PTCHD4: variants seen among roughly 807,000 people sequenced by gnomAD.
PTCHD4 encodes patched domain containing 4, also known as patched domain-containing protein 4.
In PTCHD4, 33 loss-of-function variants were observed where a neutral mutation model predicts 58.1. That is an observed-to-expected ratio of 0.57 (90% confidence interval 0.43 to 0.76). The LOEUF (loss-of-function observed/expected upper bound fraction) is 0.76, where lower values mean the gene tolerates loss of function less well. PTCHD4 is among the 30% of genes least tolerant of loss of function. The pLI is 0.00. For missense variants in PTCHD4, 1,058 were observed against 1,027.1 expected, an observed-to-expected ratio of 1.03 and a Z score of -0.41; for synonymous variants, 478 against 409.6, an observed-to-expected ratio of 1.17 and a Z score of -2.02.
intron 3 of PTCHD4, among the ~76,000 whole-genome samples, chr6:48,052,914 T>A (rs1266818978): frequency 6.6e-6 from 1 of 152,122 alleles, no homozygotes; most frequent in African/African-American, 2.4e-5. Context: ...AAATGATTTG[T>A]GAACCCACTG....
At chr6:47,973,508 G>C (rs1314231120) in intron 4 of PTCHD4, among the ~76,000 whole-genome samples, 1 of 152,208 alleles carries the variant, frequency 6.6e-6, no homozygotes, top group African/African-American at 2.4e-5. Flanking sequence ...CTGTGAATCA[G>C]AGCAGAAGCT....
At chr6:48,047,003 T>C (rs1382350527) in intron 3 of PTCHD4, among the ~76,000 whole-genome samples, 1 of 151,886 alleles carries the variant, frequency 6.6e-6, no homozygotes, top group African/African-American at 2.4e-5. Context: ...TGAATATTGC[T>C]TGCAATGTCT....
chr6:48,088,195 TTG>T (rs1765298442), intron 1 of PTCHD4, among the ~76,000 whole-genome samples: 1 of 152,152 alleles, frequency 6.6e-6, no homozygotes, highest in African/African-American at 2.4e-5. Context: ...GCAATATTCT[TTG>T]TGTTTTTTAG....
chr6:47,865,901 G>C lies in PTCHD4; in HGVS notation c.*12402C>G, dbSNP rs942734577. Among the ~76,000 whole-genome samples the C allele has an allele frequency of 1.3e-5, 2 of 151,844 alleles. No individual in the cohort carries two copies. The highest frequency in any genetic ancestry group is 4.8e-5 in the African/African-American group (2 of 41,384). On this transcript the variant is annotated 3_prime_UTR_variant, in exon 5 of 5. Coordinates refer to ENST00000339488, the MANE Select transcript of PTCHD4 (RefSeq NM_001384253.1). ...TCTGGTTTGTACAAATTCAACTCCT[G>C]TACTGGAAATGTACCCTCAAGCTAA...
chr6:47,954,531 G>A (rs1040318090), intron 4 of PTCHD4, among the ~76,000 whole-genome samples: 2 of 152,326 alleles, frequency 1.3e-5, no homozygotes, highest in Admixed American at 6.5e-5. Flanking sequence ...TATGAAACCT[G>A]TGTCTAGTGA....
intron 4 of PTCHD4, among the ~76,000 whole-genome samples, chr6:47,960,336 C>G (rs182756728): frequency 2.0e-5 from 3 of 152,146 alleles, no homozygotes; most frequent in Admixed American, 2.0e-4. Flanking sequence ...GGTAAATAGG[C>G]AGATAGACTT....
intron 4 of PTCHD4, among the ~76,000 whole-genome samples, chr6:47,940,981 T>C (rs1207193840): frequency 6.6e-6 from 1 of 152,194 alleles, no homozygotes; most frequent in Admixed American, 6.5e-5. Flanking sequence ...AGAGTCTCAC[T>C]TCCAGACCTT....
intron 4 of PTCHD4, among the ~76,000 whole-genome samples, chr6:47,987,796 A>C (rs1013177027): frequency 1.4e-4 from 21 of 145,330 alleles, no homozygotes; most frequent in Non-Finnish European, 3.0e-4. Flanking sequence ...TTTTTTTTTG[A>C]GATGGAGTCT....
chr6:47,936,395 G>T (rs1353986364), intron 4 of PTCHD4, among the ~76,000 whole-genome samples: 1 of 152,080 alleles, frequency 6.6e-6, no homozygotes, highest in Non-Finnish European at 1.5e-5. Flanking sequence ...AAATTTTATG[G>T]TCCCTTCTTT....
At chr6:47,911,267 T>G (rs1765059791) in intron 4 of PTCHD4, among the ~76,000 whole-genome samples, 1 of 152,096 alleles carries the variant, frequency 6.6e-6, no homozygotes. Flanking sequence ...TACAAATGGC[T>G]GCATCTCCTC....
At chr6:48,076,613 G>A (rs1765068680) in intron 1 of PTCHD4, among the ~76,000 whole-genome samples, 1 of 152,184 alleles carries the variant, frequency 6.6e-6, no homozygotes, top group Non-Finnish European at 1.5e-5. Context: ...CTTCTTGTAT[G>A]ACTCCATCAG....
rs1010109679 is a variant in PTCHD4, at chr6:47,863,366, T to C, written c.*14937A>G. 4.6e-5 allele frequency among the ~76,000 whole-genome samples: 7 copies of C among 151,912 alleles called. No homozygotes were observed. ...AGAAATTTAAGCTTCATTAGCTACA[T>C]GCTACACTTGCATATCCCACATGAA... On this transcript the variant is annotated 3_prime_UTR_variant, in exon 5 of 5. Transcript: ENST00000339488.
At chr6:48,049,023 A>G (rs992332478) in intron 3 of PTCHD4, among the ~76,000 whole-genome samples, 1 of 152,086 alleles carries the variant, frequency 6.6e-6, no homozygotes, top group African/African-American at 2.4e-5. Flanking sequence ...GATGAGGTAC[A>G]AAGACGATTT....
At chr6:47,973,870 A>C (rs1034818962) in intron 4 of PTCHD4, among the ~76,000 whole-genome samples, 1 of 152,126 alleles carries the variant, frequency 6.6e-6, no homozygotes, top group East Asian at 1.9e-4. Context: ...TTATTAATCA[A>C]TTACTTTGGG....
At position 48,001,812 on chromosome 6, in the gene PTCHD4, G is replaced by A. The variant is rs190326511; in HGVS notation, c.898+6822C>T. On this transcript the variant is annotated intron_variant, in intron 4 of 4. Transcript: ENST00000339488. ...CACAGCAAAAGAAACTACCATTAGCGTGAACAGGCAACCTACAGAATGGAA... is the reference window on the plus strand; with the variant it reads ...CACAGCAAAAGAAACTACCATTAGCATGAACAGGCAACCTACAGAATGGAA... 1.1e-4 allele frequency among the ~76,000 whole-genome samples: 16 copies of A among 152,312 alleles called. 1 individual carries two copies. Among genetic ancestry groups the A allele is most frequent in the South Asian group, 8.3e-4 (4 of 4,830 alleles).
intron 3 of PTCHD4, among the ~76,000 whole-genome samples, chr6:48,023,136 T>C (rs1440255433): frequency 1.3e-5 from 2 of 152,186 alleles, no homozygotes; most frequent in African/African-American, 4.8e-5. Context: ...ATTTCATTTG[T>C]TGAATGAGAT....
At chr6:47,883,300 T>C (rs1764077727) in intron 4 of PTCHD4, among the ~76,000 whole-genome samples, 1 of 152,086 alleles carries the variant, frequency 6.6e-6, no homozygotes, top group Non-Finnish European at 1.5e-5. Flanking sequence ...AATAGGGATA[T>C]ATACCTAAAA....
intron 4 of PTCHD4, among the ~76,000 whole-genome samples, chr6:47,881,275 C>T (rs529193126): frequency 4.3e-4 from 66 of 152,246 alleles, no homozygotes; most frequent in Middle Eastern, 6.8e-3. Context: ...ATTGCATTGC[C>T]GATAGCTTTT....
At chr6:48,046,022 A>G (rs1167714608) in intron 3 of PTCHD4, among the ~76,000 whole-genome samples, 1 of 151,826 alleles carries the variant, frequency 6.6e-6, no homozygotes, top group Non-Finnish European at 1.5e-5. Flanking sequence ...CAGCTTCTTT[A>G]CTTAACAATT....
Sources: allele counts gnomAD v4.1 joint callset (sites outside exome capture counted in the v4.1 genomes callset), GRCh38; gene constraint gnomAD v4.1.1; transcripts MANE v1.5; gene names NCBI Gene and HGNC (gene_info 2026-07-23, HGNC 2026-07-21).